CEP68: variants seen among roughly 807,000 people sequenced by gnomAD.
CEP68 encodes centrosomal protein of 68 kDa.
A neutral mutation model predicts 55.3 loss-of-function variants in CEP68; 26 were observed. The observed-to-expected ratio is 0.47, with a 90% CI of 0.34 to 0.65. The LOEUF is 0.65. Among genes scored for constraint, CEP68 ranks in the 30% least tolerant of loss-of-function variants. CEP68 has a pLI of 0.01. For missense variants in CEP68, 957 were observed against 946.7 expected, an observed-to-expected ratio of 1.01 and a Z score of -0.14; for synonymous variants, 402 against 383.2, an observed-to-expected ratio of 1.05 and a Z score of -0.57.
At chr2:65,067,144 G>A (rs1427992846) in intron 1 of CEP68, among the ~76,000 whole-genome samples, 2 of 151,844 alleles carry the variant, frequency 1.3e-5, no homozygotes, top group Admixed American at 6.6e-5. Flanking sequence ...AGCACTTTGG[G>A]AGGTGGGTGG....
At chr2:65,056,644 C>T (rs1675605447) in intron 1 of CEP68, 116 bp downstream of exon 1, 1 of 152,084 alleles carries the variant, frequency 6.6e-6, no homozygotes, top group African/African-American at 2.4e-5. Context: ...TCTTCGGTGC[C>T]TGCGGGGCCC....
At chr2:65,079,871 C>T (rs910109567) in intron 5 of CEP68, among the ~76,000 whole-genome samples, 4 of 152,200 alleles carry the variant, frequency 2.6e-5, no homozygotes, top group South Asian at 2.1e-4. Flanking sequence ...CGGTGGTTCA[C>T]GCCTGTAATC....
chr2:65,059,473 C>G (rs889098101), intron 1 of CEP68, among the ~76,000 whole-genome samples: 1 of 152,182 alleles, frequency 6.6e-6, no homozygotes, highest in African/African-American at 2.4e-5. Context: ...TCATGAATCT[C>G]AAATTCTTTC....
chr2:65,068,347 C>T (rs1676295678), intron 1 of CEP68, among the ~76,000 whole-genome samples: 1 of 152,168 alleles, frequency 6.6e-6, no homozygotes, highest in African/African-American at 2.4e-5. Flanking sequence ...AGATTCAGCT[C>T]CCAAATCATC....
In CEP68 at chr2:65,076,802, G is replaced by A. The variant is rs191185313; in HGVS notation, c.2008-1066G>A. 1.9e-4 allele frequency among the ~76,000 whole-genome samples: 29 copies of A among 152,100 alleles called. No homozygotes were observed. The East Asian group carries it at 4.3e-3, about 22-fold the overall frequency. ...AAAACACCAAGTTCTGGCTGGGCAC[G>A]GTGGCTCATACCTGTAATCCCAGTA... On this transcript the variant is annotated intron_variant, in intron 4 of 6. Coordinates refer to ENST00000377990, the MANE Select transcript of CEP68 (RefSeq NM_015147.3).
chr2:65,078,067 C>T (rs2103793364), intron 5 of CEP68, 103 bp downstream of exon 5: 1 of 770,336 alleles, frequency 1.3e-6, no homozygotes, highest in Non-Finnish European at 2.1e-6. Flanking sequence ...CACAAGAGCC[C>T]CTGCCCACAC....
intron 1 of CEP68, among the ~76,000 whole-genome samples, chr2:65,058,396 G>A (rs997646504): frequency 3.3e-5 from 5 of 150,396 alleles, no homozygotes; most frequent in Admixed American, 3.3e-4. Flanking sequence ...TAGAGATGAC[G>A]TCTCTCTATA....
intron 1 of CEP68, among the ~76,000 whole-genome samples, chr2:65,064,566 CT>C (rs1191647193): frequency 6.6e-6 from 1 of 152,080 alleles, no homozygotes; most frequent in Non-Finnish European, 1.5e-5. Context: ...AACCCCATCT[CT>C]ACTAAAAATA....
intron 4 of CEP68, chr2:65,074,795 A>G (rs1248984363): frequency 3.8e-6 from 1 of 262,078 alleles, no homozygotes; most frequent in East Asian, 1.1e-4. Flanking sequence ...GTTTTTTCTT[A>G]ATTAAAAACA....
chr2:65,080,495 C>T (rs985598195), intron 5 of CEP68: 37 of 985,248 alleles, frequency 3.8e-5, no homozygotes, highest in Admixed American at 1.2e-4. Context: ...TTTATTTGGC[C>T]CCAACCAAAC....
chr2:65,062,854 TA>T (rs761975742), intron 1 of CEP68, among the ~76,000 whole-genome samples: 8 of 151,782 alleles, frequency 5.3e-5, no homozygotes, highest in Non-Finnish European at 1.2e-4. Flanking sequence ...AAAATAGTCC[TA>T]GGGGAGGTCC....
Position 65,072,212 on chromosome 2 carries a change from G to A in CEP68, c.1116G>A (p.Glu372=). 8 of 1,614,124 alleles carry A rather than the reference G, an allele frequency of 5.0e-6. No homozygotes were observed. The highest frequency in any genetic ancestry group is 5.9e-6 in the Non-Finnish European group (7 of 1,180,028). The part of the protein sequence containing the change: ...ATALPFSGPR[E]PSLKQWPSRV... ...CCCTGCCATTTTCTGGGCCCAGAGA[G>A]CCAAGCCTTAAGCAGTGGCCCTCCA... Residue 372 remains glutamate, a synonymous_variant, in exon 3 of 7, where the codon GAG becomes GAA. Transcript: ENST00000377990.
Position 65,072,501 on chromosome 2 carries a change from A to C in CEP68, c.1405A>C (p.Arg469=). 1 of 1,614,064 alleles carries C rather than the reference A, an allele frequency of 6.2e-7. No homozygotes were observed. Among genetic ancestry groups the C allele is most frequent in the Non-Finnish European group, 8.5e-7 (1 of 1,180,026 alleles). ...SARRPTCTES[R]WKSEEEVESD... The stretch of plus-strand genomic sequence containing the variant: ...CCGGCGCCCTACCTGCACAGAGTCT[A>C]GGTGGAAATCAGAAGAGGAAGTGGA... The change falls in exon 3 of 7, where the codon AGG becomes CGG. Residue 469 remains arginine, a synonymous_variant. Transcript: ENST00000377990.
At chr2:65,076,043 G>GA (rs1676741774) in intron 4 of CEP68, among the ~76,000 whole-genome samples, 1 of 151,594 alleles carries the variant, frequency 6.6e-6, no homozygotes, top group South Asian at 2.1e-4. Context: ...AGTGTGGAGA[G>GA]AGGTTGCTTT....
At chr2:65,066,601 G>C (rs570316675) in intron 1 of CEP68, among the ~76,000 whole-genome samples, 1 of 151,216 alleles carries the variant, frequency 6.6e-6, no homozygotes, top group Non-Finnish European at 1.5e-5. Flanking sequence ...GGTGGTGGGT[G>C]CCTGTAATCC....
In CEP68 at chr2:65,062,439, A is replaced by G. The variant is rs377348997; in HGVS notation, c.-47+5911A>G. 9.3e-5 allele frequency among the ~76,000 whole-genome samples: 14 copies of G among 151,178 alleles called. No individual in the cohort carries two copies. In the East Asian group the frequency reaches 1.6e-3, roughly 17 times the overall value. On this transcript the variant is annotated intron_variant, in intron 1 of 6. Transcript: ENST00000377990. The stretch of plus-strand genomic sequence containing the variant: ...TCCCAGCTGCTTTGGAGGCTAAGCC[A>G]GGAGAATTGCTTGAACCCGGGAGGC...
At chr2:65,081,656 C>T (rs894634877) in intron 5 of CEP68, among the ~76,000 whole-genome samples, 2 of 152,178 alleles carry the variant, frequency 1.3e-5, no homozygotes, top group Non-Finnish European at 2.9e-5. Flanking sequence ...TCTGACACTG[C>T]GGGAGTGAAT....
At chr2:65,067,831 C>T (rs1423129534) in intron 1 of CEP68, among the ~76,000 whole-genome samples, 2 of 152,184 alleles carry the variant, frequency 1.3e-5, no homozygotes, top group Admixed American at 6.5e-5. Context: ...GACGAGCGTC[C>T]GTGCGAAGGG....
intron 5 of CEP68, among the ~76,000 whole-genome samples, chr2:65,078,615 C>T (rs1676869269): frequency 6.6e-6 from 1 of 152,168 alleles, no homozygotes; most frequent in Non-Finnish European, 1.5e-5. Flanking sequence ...CTTGGCTCAC[C>T]GCAAGTTCAC....
Sources: gnomAD v4.1 joint callset for allele counts (sites outside exome capture counted in the v4.1 genomes callset) on GRCh38, gnomAD v4.1.1 for gene constraint, MANE v1.5 for transcripts, NCBI Gene and HGNC (gene_info 2026-07-23, HGNC 2026-07-21) for gene names.